The following PTPRD variants were observed in gnomAD, a reference collection of about 807,000 sequenced individuals.
The protein encoded by PTPRD is receptor-type tyrosine-protein phosphatase delta.
Under a neutral mutation model 214.5 loss-of-function variants are expected in PTPRD, and 34 were observed. The ratio of observed to expected loss-of-function variants is 0.16; its 90% CI spans 0.12 to 0.21. The LOEUF (loss-of-function observed/expected upper bound fraction) is 0.21. Ranked by LOEUF, PTPRD falls within the 10% of genes least tolerant of loss-of-function variation. PTPRD has a pLI of 1.00. For missense variants in PTPRD, 2,545 were observed against 2,398.7 expected (o/e 1.06, Z -1.27); for synonymous variants, 1,128 against 845.7 (o/e 1.33, Z -5.79).
chr9:10,502,835 C>T (rs888323754), intron 2 of PTPRD, among the ~76,000 whole-genome samples: 1 of 151,996 alleles, frequency 6.6e-6, no homozygotes, highest in Non-Finnish European at 1.5e-5. Flanking sequence ...AATAGAATCA[C>T]TGAATCTTAG....
intron 3 of PTPRD, among the ~76,000 whole-genome samples, chr9:10,078,562 T>C (rs546519009): frequency 1.3e-3 from 190 of 148,566 alleles, no homozygotes; most frequent in African/African-American, 4.4e-3. Context: ...CATATAATCC[T>C]ATGTAGCCCT....
intron 4 of PTPRD, among the ~76,000 whole-genome samples, chr9:10,011,090 T>A (rs1324398347): frequency 6.6e-6 from 1 of 151,914 alleles, no homozygotes; most frequent in Non-Finnish European, 1.5e-5. Flanking sequence ...AGAAAGTCAT[T>A]CTCCACAATC....
intron 10 of PTPRD, among the ~76,000 whole-genome samples, chr9:9,030,276 C>CTTTTTTTTTTTTTTTTTTTTTTTTT (rs71317396): frequency 2.6e-5 from 1 of 37,920 alleles, no homozygotes; most frequent in Non-Finnish European, 4.4e-5. Flanking sequence ...CACACTTGGG[C>CTTTTTTTTTTTTTTTTTTTTTTTTT]TTTTTTTTTT....
intron 7 of PTPRD, among the ~76,000 whole-genome samples, chr9:9,706,150 C>T (rs376034107): frequency 3.9e-5 from 6 of 152,086 alleles, no homozygotes; most frequent in Non-Finnish European, 5.9e-5. Context: ...AAACTAATTA[C>T]CACAGTTTGT....
intron 7 of PTPRD, among the ~76,000 whole-genome samples, chr9:9,702,345 T>C (rs529165114): frequency 4.1e-4 from 63 of 152,236 alleles, no homozygotes; most frequent in African/African-American, 1.5e-3. Context: ...AATGGGGCAA[T>C]AGTGTGAGAT....
chr9:10,575,078 T>C (rs545713749), intron 2 of PTPRD, among the ~76,000 whole-genome samples: 1 of 152,090 alleles, frequency 6.6e-6, no homozygotes, highest in South Asian at 2.1e-4. Flanking sequence ...GATTAGGCAG[T>C]ATGACCAACA....
At chr9:8,723,140 A>G (rs965510399) in intron 12 of PTPRD, among the ~76,000 whole-genome samples, 3 of 152,090 alleles carry the variant, frequency 2.0e-5, no homozygotes, top group African/African-American at 4.8e-5. Context: ...CCAGGGCCCC[A>G]TGATGTGTCT....
intron 9 of PTPRD, among the ~76,000 whole-genome samples, chr9:9,381,633 G>A (rs1447236382): frequency 6.6e-6 from 1 of 151,704 alleles, no homozygotes; most frequent in Admixed American, 6.6e-5. Context: ...GATTACAGGT[G>A]TGGGCCACCA....
intron 4 of PTPRD, among the ~76,000 whole-genome samples, chr9:9,964,593 T>A (rs910119552): frequency 3.9e-5 from 6 of 152,188 alleles, no homozygotes; most frequent in African/African-American, 9.7e-5. Flanking sequence ...AAATCTACTT[T>A]TCCATTAGAA....
At chr9:8,625,990 T>C (rs757229328) in intron 14 of PTPRD, among the ~76,000 whole-genome samples, 1 of 151,828 alleles carries the variant, frequency 6.6e-6, no homozygotes, top group Non-Finnish European at 1.5e-5. Context: ...TAATAAGATA[T>C]AATAAGTTAC....
rs551486348 is a variant in PTPRD at position 8,899,695 on chromosome 9, G to A, written c.-104+119002C>T. On this transcript the variant is annotated intron_variant, in intron 11 of 45. Coordinates refer to ENST00000381196, the MANE Select transcript of PTPRD (RefSeq NM_002839.4). ...TTGCCTGGAACCCACAAAAGTGAAC[G>A]TTTCTCCTTTCACTTGCATTTGCAA... 3.3e-5 allele frequency among the ~76,000 whole-genome samples: 5 copies of A among 152,248 alleles called. 1 individual carries two copies. In the South Asian group the frequency reaches 8.3e-4, roughly 25 times the overall value.
At chr9:8,670,592 T>A (rs1449114334) in intron 12 of PTPRD, among the ~76,000 whole-genome samples, 1 of 152,232 alleles carries the variant, frequency 6.6e-6, no homozygotes, top group Non-Finnish European at 1.5e-5. Flanking sequence ...TCTATAAGTA[T>A]CCCATACTTT....
intron 11 of PTPRD, among the ~76,000 whole-genome samples, chr9:8,941,448 C>G (rs1385109844): frequency 6.6e-6 from 1 of 151,962 alleles, no homozygotes; most frequent in Non-Finnish European, 1.5e-5. Context: ...AAAAATATTT[C>G]TCAGAAAAAG....
At chr9:8,519,168 A>G (rs2097844580) in intron 20 of PTPRD, among the ~76,000 whole-genome samples, 1 of 152,190 alleles carries the variant, frequency 6.6e-6, no homozygotes, top group African/African-American at 2.4e-5. Flanking sequence ...TGAAGGAAGT[A>G]AATTAAGGCA....
chr9:9,599,569 T>C (rs2093607275), intron 7 of PTPRD, among the ~76,000 whole-genome samples: 1 of 152,116 alleles, frequency 6.6e-6, no homozygotes, highest in South Asian at 2.1e-4. Flanking sequence ...TATCTTAATT[T>C]CTTTGTTTTC....
In PTPRD at chr9:10,510,190, T is replaced by G. The variant is rs1390229878; in HGVS notation, c.-600+102208A>C. On this transcript the variant is annotated intron_variant, in intron 2 of 45. Coordinates refer to ENST00000381196, the MANE Select transcript of PTPRD (RefSeq NM_002839.4). ...TGTCAATTTGCCAAAGTTGCTTAGT[T>G]TCATTCCTTTCTTTCCCATACCACT... is the stretch of plus-strand genomic sequence containing the variant. 2.6e-5 allele frequency among the ~76,000 whole-genome samples: 4 copies of G among 152,098 alleles called. No individual in the cohort carries two copies. In the East Asian group the frequency reaches 5.8e-4, roughly 22 times the overall value.
At chr9:9,985,322 T>C (rs10739208) in intron 4 of PTPRD, among the ~76,000 whole-genome samples, 95,928 of 152,060 alleles carry the variant, frequency 0.63, 30,689 homozygotes, top group Middle Eastern at 0.76. Context: ...TTATAATTTT[T>C]GTATTTGCAA....
intron 2 of PTPRD, among the ~76,000 whole-genome samples, chr9:10,406,894 C>T (rs2098371236): frequency 6.6e-6 from 1 of 151,546 alleles, no homozygotes; most frequent in Non-Finnish European, 1.5e-5. Flanking sequence ...TGGCAACAGA[C>T]AGGAGCAATC....
intron 10 of PTPRD, among the ~76,000 whole-genome samples, chr9:9,053,776 T>C (rs951442115): frequency 1.3e-5 from 2 of 152,162 alleles, no homozygotes; most frequent in East Asian, 3.9e-4. Flanking sequence ...TGGATGTTAT[T>C]GAAAATGTTG....
Sources: allele counts gnomAD v4.1 joint callset (sites outside exome capture counted in the v4.1 genomes callset), GRCh38; gene constraint gnomAD v4.1.1; transcripts MANE v1.5; gene names NCBI Gene and HGNC (gene_info 2026-07-23, HGNC 2026-07-21).